The following WDR70 variants were observed in gnomAD, a reference collection of about 807,000 sequenced individuals.
WDR70 encodes the protein WD repeat domain 70.
WDR70 carries 53 observed loss-of-function variants against 88.6 expected under a neutral mutation model. That is an observed-to-expected ratio of 0.60 (90% CI 0.48 to 0.75). WDR70 has a LOEUF of 0.75. WDR70 is among the 30% of genes least tolerant of loss of function. WDR70 has a pLI of 0.00. For synonymous variants in WDR70, 280 were observed against 270.0 expected, an observed-to-expected ratio of 1.04 and a Z score of -0.36; for missense variants, 610 against 823.2, an observed-to-expected ratio of 0.74 and a Z score of 3.17.
At chr5:37,618,134 A>G (rs1744397224) in intron 10 of WDR70, among the ~76,000 whole-genome samples, 1 of 152,230 alleles carries the variant, frequency 6.6e-6, no homozygotes. Context: ...GGACAGAAAA[A>G]ATGGAAACCA....
chr5:37,643,532 A>G (rs945307049), intron 10 of WDR70, among the ~76,000 whole-genome samples: 1 of 151,192 alleles, frequency 6.6e-6, no homozygotes, highest in African/African-American at 2.4e-5. Context: ...GAAGAATGTC[A>G]TTGGTATTTG....
At chr5:37,723,581 C>T (rs72743187) in intron 15 of WDR70, 4,760 of 152,410 alleles carry the variant, frequency 0.031, 98 homozygotes, top group Middle Eastern at 0.11. Context: ...GATGCTACAG[C>T]GATTATCATT....
intron 5 of WDR70, among the ~76,000 whole-genome samples, chr5:37,411,502 G>A (rs1338244404): frequency 6.6e-6 from 1 of 152,106 alleles, no homozygotes; most frequent in East Asian, 1.9e-4. Flanking sequence ...AGGGCGGGTG[G>A]ATCAGTTGAG....
intron 5 of WDR70, among the ~76,000 whole-genome samples, chr5:37,400,589 C>T (rs1022036757): frequency 2.6e-5 from 4 of 152,108 alleles, no homozygotes; most frequent in Non-Finnish European, 5.9e-5. Context: ...AGAAAGTGGT[C>T]GTCTACAAGC....
At chr5:37,563,478 G>T (rs1274677488) in intron 9 of WDR70, among the ~76,000 whole-genome samples, 1 of 55,854 alleles carries the variant, frequency 1.8e-5, no homozygotes, top group Non-Finnish European at 4.4e-5. Context: ...GGGCAGAGGG[G>T]CTCCTCACTT....
chr5:37,557,292 G>A (rs1742319754), intron 9 of WDR70, among the ~76,000 whole-genome samples: 2 of 151,258 alleles, frequency 1.3e-5, no homozygotes, highest in African/African-American at 2.4e-5. Context: ...AGTAGCTATT[G>A]TAATTAATGC....
chr5:37,440,320 A>G (rs1421853786), intron 6 of WDR70, among the ~76,000 whole-genome samples: 14 of 152,126 alleles, frequency 9.2e-5, no homozygotes, highest in Non-Finnish European at 1.8e-4. Flanking sequence ...AAAACTGAAA[A>G]TTTGTGCTCA....
intron 9 of WDR70, among the ~76,000 whole-genome samples, chr5:37,588,829 T>C (rs1158019273): frequency 6.6e-6 from 1 of 152,062 alleles, no homozygotes; most frequent in Non-Finnish European, 1.5e-5. Flanking sequence ...AGTGGCGCAA[T>C]CTCAGCTCAT....
intron 9 of WDR70, among the ~76,000 whole-genome samples, chr5:37,523,721 A>G (rs572953741): frequency 6.6e-6 from 1 of 152,338 alleles, no homozygotes; most frequent in African/African-American, 2.4e-5. Context: ...CAAAGAAGCT[A>G]AAAACCTTGA....
At chr5:37,489,949 C>A (rs1268609767) in intron 8 of WDR70, among the ~76,000 whole-genome samples, 1 of 152,098 alleles carries the variant, frequency 6.6e-6, no homozygotes, top group Non-Finnish European at 1.5e-5. Context: ...TCCCCCTTCC[C>A]CCCAGTGTCA....
intron 5 of WDR70, among the ~76,000 whole-genome samples, chr5:37,414,092 C>A (rs1749614788): frequency 6.7e-6 from 1 of 148,512 alleles, no homozygotes; most frequent in Admixed American, 6.9e-5. Flanking sequence ...TTGCGGTGAG[C>A]CTTGATTGCG....
intron 10 of WDR70, 73 bp downstream of exon 10, chr5:37,605,311 A>G: frequency 6.8e-7 from 1 of 1,467,036 alleles, no homozygotes; most frequent in Non-Finnish European, 9.1e-7. Flanking sequence ...TACAAAGACA[A>G]ACGTGTTAAA....
intron 9 of WDR70, among the ~76,000 whole-genome samples, chr5:37,563,170 G>T (rs1322904922): frequency 1.6e-5 from 1 of 64,288 alleles, no homozygotes; most frequent in South Asian, 7.0e-4. Flanking sequence ...CTGGCTGGGC[G>T]GGGGGCTGAC....
intron 9 of WDR70, among the ~76,000 whole-genome samples, chr5:37,546,562 AAT>A (rs1163272878): frequency 6.6e-6 from 1 of 152,248 alleles, no homozygotes; most frequent in Non-Finnish European, 1.5e-5. Flanking sequence ...CAATATGAAA[AAT>A]AGTTAATATT....
intron 3 of WDR70, among the ~76,000 whole-genome samples, chr5:37,389,220 GT>G (rs1748729891): frequency 6.6e-6 from 1 of 150,916 alleles, no homozygotes; most frequent in Admixed American, 6.6e-5. Context: ...AGTGTCCCGA[GT>G]AGCTGGGACT....
chr5:37,421,603 T>C (rs1488281540), intron 5 of WDR70, among the ~76,000 whole-genome samples: 2 of 152,212 alleles, frequency 1.3e-5, no homozygotes, highest in African/African-American at 2.4e-5. Flanking sequence ...TATTCCTGTC[T>C]TACATTTTTA....
chr5:37,695,313 A>C (rs984504268), intron 10 of WDR70, among the ~76,000 whole-genome samples: 1 of 152,146 alleles, frequency 6.6e-6, no homozygotes, highest in African/African-American at 2.4e-5. Flanking sequence ...CACCTCCAAC[A>C]TTGTGAATTA....
At position 37,660,313 on chromosome 5, in the gene WDR70, A is replaced by G. The variant is rs371411183; in HGVS notation, c.1093-37342A>G. Among the ~76,000 whole-genome samples the G allele has an allele frequency of 6.6e-5, 10 of 152,302 alleles. No homozygotes were observed. The East Asian group carries it at 7.7e-4, about 12-fold the overall frequency. On this transcript the variant is annotated intron_variant, in intron 10 of 17. Transcript: ENST00000265107. ...GGGATAGAGTATTCTATAAATATCAATTAGGTCAAGTTGGTTGATAGTGTT... is the reference window on the plus strand; with the variant it reads ...GGGATAGAGTATTCTATAAATATCAGTTAGGTCAAGTTGGTTGATAGTGTT...
At chr5:37,570,756 G>T (rs531194428) in intron 9 of WDR70, among the ~76,000 whole-genome samples, 3 of 152,128 alleles carry the variant, frequency 2.0e-5, no homozygotes, top group African/African-American at 7.2e-5. Flanking sequence ...TAACATGTTC[G>T]TACCCTTTGT....
Sources: allele counts gnomAD v4.1 joint callset (sites outside exome capture counted in the v4.1 genomes callset), GRCh38; gene constraint gnomAD v4.1.1; transcripts MANE v1.5; gene names NCBI Gene and HGNC (gene_info 2026-07-23, HGNC 2026-07-21).